The following CEP95 variants were observed in gnomAD, a reference collection of about 807,000 sequenced individuals.
CEP95 encodes the protein centrosomal protein 95.
In CEP95, 98 loss-of-function variants were observed where a neutral mutation model predicts 111.2. That is an observed-to-expected ratio of 0.88 (90% confidence interval 0.75 to 1.04). The LOEUF (loss-of-function observed/expected upper bound fraction) is 1.04. CEP95 is among the 50% of genes least tolerant of loss of function. CEP95 has a pLI of 0.00. For missense variants in CEP95, 1,027 were observed against 977.2 expected (o/e 1.05, Z -0.68); for synonymous variants, 323 against 327.1 (o/e 0.99, Z 0.14).
Position 64,534,651 on chromosome 17 carries a change from C to CTT in CEP95, c.1984_1985insTT (p.Gln662LeufsTer21). ...ATCAAAGATAAAAGAAAATCGACAG[C>CTT]AAATCGTTCGTGCTCGAAAATATTA... On this transcript the variant is annotated frameshift_variant, in exon 17 of 20. Transcript: ENST00000556440. LOFTEE classifies it high-confidence loss of function. 2 of 1,613,790 alleles carry CTT rather than the reference C, an allele frequency of 1.2e-6. No homozygotes were observed. Among genetic ancestry groups the CTT allele is most frequent in the Non-Finnish European group, 1.7e-6 (2 of 1,179,764 alleles).
Position 64,534,583 on chromosome 17 carries a change from A to G in CEP95, c.1918-2A>G. The G allele has an allele frequency of 6.2e-7, 1 of 1,613,312 alleles. No individual in the cohort carries two copies. The highest frequency in any genetic ancestry group is 8.5e-7 in the Non-Finnish European group (1 of 1,179,488). On this transcript the variant is annotated splice_acceptor_variant, in intron 16 of 19. Transcript: ENST00000556440. LOFTEE classifies it high-confidence loss of function. The stretch of plus-strand genomic sequence containing the variant: ...CTCTTCCCTCCCCTTTCCCTTTCTT[A>G]GCAAGACTTCAAGGACTGCATTCGT...
intron 1 of CEP95, chr17:64,507,437 G>C: frequency 1.5e-6 from 2 of 1,343,886 alleles, no homozygotes; most frequent in Non-Finnish European, 1.9e-6. Context: ...GCCGCTGTCC[G>C]TGTGCCCTCC....
In CEP95 at chr17:64,507,766, G is replaced by A. The variant is rs146900998; in HGVS notation, c.19+650G>A. On this transcript the variant is annotated intron_variant, in intron 1 of 19. Coordinates refer to ENST00000556440, the MANE Select transcript of CEP95 (RefSeq NM_138363.3). Reference sequence around the variant, plus strand: ...GTGCATGGAAAATACACTCTCATTCGTTTCCAGAACGTTACGTGTCCAGAA... The same window carrying A: ...GTGCATGGAAAATACACTCTCATTCATTTCCAGAACGTTACGTGTCCAGAA... The A allele has an allele frequency of 4.1e-6, 4 of 985,444 alleles. No individual in the cohort carries two copies. The African/African-American group carries it at 7.0e-5, about 17-fold the overall frequency. The allele number at this position is 985,444 out of a possible 1,614,324, so 61.0% of individuals were successfully genotyped here. A position where few individuals can be genotyped will look rare whatever the true frequency, so the allele number is the denominator to read the frequency against.
chr17:64,531,000 T>C lies in CEP95; in HGVS notation c.1521T>C (p.His507=), dbSNP rs1353494003. The C allele has an allele frequency of 1.9e-6, 3 of 1,548,826 alleles. No homozygotes were observed. Among genetic ancestry groups the C allele is most frequent in the Middle Eastern group, 1.7e-4 (1 of 6,008 alleles). The part of the protein sequence containing the change: ...VQENIGPLRI[H]EKEEETEKIY... ...AGAATATTGGACCTCTAAGAATACA[T>C]GAGAAGGAGGAGGAAACAGTGGGTA... The change falls in exon 13 of 20, where the codon CAT becomes CAC. Residue 507 remains histidine, a synonymous_variant. Coordinates refer to ENST00000556440, the MANE Select transcript of CEP95 (RefSeq NM_138363.3).
intron 8 of CEP95, among the ~76,000 whole-genome samples, chr17:64,524,203 AAAGGGGAGTGTTTATTTTCAAATAAT>A (rs1555678588): frequency 6.6e-6 from 1 of 152,176 alleles, no homozygotes; most frequent in Non-Finnish European, 1.5e-5. Context: ...GGTGGCAGTT[AAAGGGGAGTGTTTATTTTCAAATAAT>A]TCATTGAGCT....
intron 3 of CEP95, among the ~76,000 whole-genome samples, chr17:64,512,492 T>C (rs550324798): frequency 1.3e-5 from 2 of 152,354 alleles, no homozygotes; most frequent in Admixed American, 1.3e-4. Context: ...TATGTGTATT[T>C]CATTTATGTT....
intron 3 of CEP95, among the ~76,000 whole-genome samples, chr17:64,513,042 C>T (rs1467246947): frequency 2.0e-5 from 3 of 152,128 alleles, no homozygotes; most frequent in African/African-American, 7.2e-5. Flanking sequence ...TGTCAGTATA[C>T]TCCCCATCCT....
At chr17:64,523,069 T>C (rs1296427432) in intron 8 of CEP95, among the ~76,000 whole-genome samples, 174 bp downstream of exon 8, 7 of 152,178 alleles carry the variant, frequency 4.6e-5, no homozygotes, top group Non-Finnish European at 8.8e-5. Context: ...TCAAGCATAT[T>C]GCACTAGTCA....
intron 19 of CEP95, 102 bp from the exon 20 acceptor site, chr17:64,537,501 A>C: frequency 1.4e-6 from 2 of 1,443,814 alleles, no homozygotes; most frequent in Non-Finnish European, 9.1e-7. Context: ...GATTATTGAA[A>C]ATTTTGGAGG....
intron 12 of CEP95, among the ~76,000 whole-genome samples, chr17:64,529,707 T>C (rs2144512527): frequency 6.6e-6 from 1 of 152,252 alleles, no homozygotes; most frequent in Admixed American, 6.5e-5. Flanking sequence ...AGAGTGAGCT[T>C]CAGAGATGAA....
At chr17:64,511,048 A>G (rs782538018) in intron 3 of CEP95, among the ~76,000 whole-genome samples, 2 of 152,160 alleles carry the variant, frequency 1.3e-5, no homozygotes, top group Non-Finnish European at 2.9e-5. Flanking sequence ...GGGATTTTCA[A>G]AAGGGGAGGG....
intron 8 of CEP95, among the ~76,000 whole-genome samples, chr17:64,525,064 G>T (rs1008069157): frequency 3.3e-5 from 5 of 151,856 alleles, no homozygotes; most frequent in Admixed American, 1.3e-4. Flanking sequence ...AATTTAGCCG[G>T]ACACGGTAGC....
Position 64,514,343 on chromosome 17 carries a change from ACATCT to A in CEP95, c.356_360del (p.Ser119Ter), listed in dbSNP as rs1555675900. ...GTATCTTACAGAACGCATCAGTGAA[ACATCT>A]CATGAGAAAAGTAAGTTTAAGAATG... On this transcript the variant is annotated frameshift_variant, in exon 4 of 20. Coordinates refer to ENST00000556440, the MANE Select transcript of CEP95 (RefSeq NM_138363.3). LOFTEE classifies it high-confidence loss of function. 6.7e-7 allele frequency: 1 copy of A among 1,486,190 alleles called. No homozygotes were observed. The highest frequency in any genetic ancestry group is 9.2e-7 in the Non-Finnish European group (1 of 1,087,978). The allele number at this position is 1,486,190 out of a possible 1,614,324, so 92.1% of individuals were successfully genotyped here. A position where few individuals can be genotyped will look rare whatever the true frequency, so the allele number is the denominator to read the frequency against.
In CEP95 at chr17:64,514,294, G is replaced by A; in HGVS notation, c.303G>A (p.Leu101=). The change falls in exon 4 of 20, where the codon CTG becomes CTA. Residue 101 remains leucine (L), a synonymous_variant. Coordinates refer to ENST00000556440, the MANE Select transcript of CEP95 (RefSeq NM_138363.3). The part of the protein sequence containing the change: ...KGDKESIKNL[L]EIFDGLLEYL... ...ATAAAGAATCTATTAAGAATCTCCT[G>A]GAAATATTTGATGGTTTGTTGGAGT... The A allele has an allele frequency of 1.3e-6, 2 of 1,507,510 alleles. No individual in the cohort carries two copies. Among genetic ancestry groups the A allele is most frequent in the South Asian group, 2.4e-5 (2 of 82,604 alleles). The allele number at this position is 1,507,510 out of a possible 1,614,324, so 93.4% of individuals were successfully genotyped here.
At chr17:64,507,519 T>C (rs1459482663) in intron 1 of CEP95, 7 of 1,133,756 alleles carry the variant, frequency 6.2e-6, no homozygotes, top group Non-Finnish European at 7.6e-6. Flanking sequence ...ATTCTTAAGA[T>C]TTATTATGCC....
At chr17:64,515,501 G>T (rs1212372459) in intron 4 of CEP95, among the ~76,000 whole-genome samples, 6 of 152,142 alleles carry the variant, frequency 3.9e-5, no homozygotes, top group African/African-American at 1.4e-4. Flanking sequence ...GGGAGGGATG[G>T]TAGTGCCTGG....
intron 16 of CEP95, among the ~76,000 whole-genome samples, chr17:64,533,530 G>C (rs1021706545): frequency 6.6e-6 from 1 of 152,176 alleles, no homozygotes; most frequent in South Asian, 2.1e-4. Flanking sequence ...TCACTTGAAC[G>C]TGGGAGGGCG....
In CEP95 at chr17:64,534,642, A is replaced by C. The variant is rs1167743530; in HGVS notation, c.1975A>C (p.Asn659His). Reference protein sequence around the residue: ...QRLTQSKIKENRQQIVRARKY... With the variant: ...QRLTQSKIKEHRQQIVRARKY... ...GTTGACCCAATCAAAGATAAAAGAA[A>C]ATCGACAGCAAATCGTTCGTGCTCG... The change falls in exon 17 of 20, where the codon AAT becomes CAT. Residue 659 changes from asparagine (N) to histidine (H), a missense_variant. Physicochemically the swap from Asn to His is moderately conservative, Grantham distance 68 (BLOSUM62 1). Coordinates refer to ENST00000556440, the MANE Select transcript of CEP95 (RefSeq NM_138363.3). The C allele has an allele frequency of 1.2e-6, 2 of 1,613,944 alleles. No homozygotes were observed. Among genetic ancestry groups the C allele is most frequent in the Non-Finnish European group, 1.7e-6 (2 of 1,179,818 alleles).
In CEP95 at chr17:64,537,111, A is replaced by C; in HGVS notation, c.2288A>C (p.Gln763Pro). 11 of 1,611,612 alleles carry C rather than the reference A, an allele frequency of 6.8e-6. No homozygotes were observed. The highest frequency in any genetic ancestry group is 9.3e-6 in the Non-Finnish European group (11 of 1,178,818). Residue 763 changes from glutamine (Q) to proline (P), a missense_variant and splice_region_variant, in exon 19 of 20, where the codon CAG becomes CCG. Coordinates refer to ENST00000556440, the MANE Select transcript of CEP95 (RefSeq NM_138363.3). The part of the protein sequence containing the change: ...ELKAREKSQA[Q>P]TLHKVKRELR... ...AAAGCCAGAGAGAAATCTCAGGCCC[A>C]GGTAATAATTAAGATAGAAGCCAAG... is the stretch of plus-strand genomic sequence containing the variant.
Sources: gnomAD v4.1 joint callset for allele counts (sites outside exome capture counted in the v4.1 genomes callset) on GRCh38, gnomAD v4.1.1 for gene constraint, MANE v1.5 for transcripts, NCBI Gene and HGNC (gene_info 2026-07-23, HGNC 2026-07-21) for gene names.